ADAM12: variants seen among roughly 807,000 people sequenced by gnomAD.
ADAM12 encodes disintegrin and metalloproteinase domain-containing protein 12.
Under a neutral mutation model 106.4 loss-of-function variants are expected in ADAM12, and 70 were observed. That is an observed-to-expected ratio of 0.66 (90% CI 0.54 to 0.80). The LOEUF (loss-of-function observed/expected upper bound fraction) is 0.80, where lower values mean the gene tolerates loss of function less well. ADAM12 is among the 30% of genes least tolerant of loss of function. The pLI is 0.00. For missense variants in ADAM12, 1,010 were observed against 1,171.9 expected (o/e 0.86, Z 2.02); for synonymous variants, 420 against 433.5 (o/e 0.97, Z 0.39).
At chr10:126,201,027 G>A (rs1957690258) in intron 3 of ADAM12, among the ~76,000 whole-genome samples, 1 of 152,172 alleles carries the variant, frequency 6.6e-6, no homozygotes, top group Non-Finnish European at 1.5e-5. Context: ...GAAAGGTGGG[G>A]TTGTCCAGGC....
intron 5 of ADAM12, among the ~76,000 whole-genome samples, chr10:126,119,886 G>A (rs558540333): frequency 2.6e-4 from 40 of 152,280 alleles, no homozygotes; most frequent in Non-Finnish European, 4.6e-4. Flanking sequence ...GCTAAGGTGG[G>A]GCAGTGAAGT....
At chr10:126,176,123 C>T (rs776582070) in intron 3 of ADAM12, among the ~76,000 whole-genome samples, 16 of 152,318 alleles carry the variant, frequency 1.1e-4, no homozygotes, top group Non-Finnish European at 2.2e-4. Flanking sequence ...GCTAATAAAA[C>T]AAAAGAGATC....
At chr10:126,340,366 T>A (rs543336797) in intron 1 of ADAM12, among the ~76,000 whole-genome samples, 2 of 152,224 alleles carry the variant, frequency 1.3e-5, no homozygotes, top group African/African-American at 2.4e-5. Context: ...CCCATTCTAA[T>A]CTTTTATAAG....
intron 2 of ADAM12, among the ~76,000 whole-genome samples, chr10:126,298,621 TA>T (rs1235183435): frequency 6.6e-6 from 1 of 151,380 alleles, no homozygotes; most frequent in African/African-American, 2.4e-5. Context: ...GAAGAGAAAA[TA>T]AGAATTTTTC....
chr10:126,022,179 C>T (rs1322306341), intron 21 of ADAM12, among the ~76,000 whole-genome samples: 1 of 152,132 alleles, frequency 6.6e-6, no homozygotes, highest in Non-Finnish European at 1.5e-5. Flanking sequence ...TCTAGTTTGC[C>T]TGGGACGTTC....
At chr10:126,117,532 G>T (rs1956005566) in intron 6 of ADAM12, among the ~76,000 whole-genome samples, 1 of 152,192 alleles carries the variant, frequency 6.6e-6, no homozygotes, top group Non-Finnish European at 1.5e-5. Flanking sequence ...CTCTGCATAA[G>T]TGTGTAGGCA....
At chr10:126,130,192 T>A (rs1956279447) in intron 5 of ADAM12, among the ~76,000 whole-genome samples, 1 of 152,180 alleles carries the variant, frequency 6.6e-6, no homozygotes. Context: ...AGTTGCATTT[T>A]TTTTTTTCCT....
rs114194327 is a variant in ADAM12 at position 126,311,269 on chromosome 10, A to G, written c.186+19143T>C. Reference sequence around the variant, plus strand: ...CCATGCATGTTTGCTGAATAAATACAGAAGTATAACTGGGGCTGGAGTGGG... The same window carrying G: ...CCATGCATGTTTGCTGAATAAATACGGAAGTATAACTGGGGCTGGAGTGGG... On this transcript the variant is annotated intron_variant, in intron 2 of 22. Transcript: ENST00000448723. Among the ~76,000 whole-genome samples, 829 of 152,310 alleles carry G rather than the reference A, an allele frequency of 5.4e-3. 12 individuals are homozygous for G. Among genetic ancestry groups the G allele is most frequent in the African/African-American group, 0.017 (722 of 41,550 alleles).
At chr10:126,159,353 A>C (rs1956893981) in intron 3 of ADAM12, among the ~76,000 whole-genome samples, 1 of 151,090 alleles carries the variant, frequency 6.6e-6, no homozygotes, top group Admixed American at 6.6e-5. Context: ...GACCAGCTTA[A>C]ATATTACAGA....
intron 3 of ADAM12, among the ~76,000 whole-genome samples, chr10:126,217,428 C>T (rs183051396): frequency 6.2e-4 from 93 of 150,196 alleles, no homozygotes; most frequent in African/African-American, 1.8e-3. Context: ...AGTGCAATGG[C>T]GCGATCTTGG....
intron 3 of ADAM12, among the ~76,000 whole-genome samples, chr10:126,188,360 A>G (rs149986541): frequency 6.6e-6 from 1 of 152,194 alleles, no homozygotes; most frequent in Admixed American, 6.5e-5. Flanking sequence ...AAAAGCCTTC[A>G]AGACTCAGTG....
chr10:126,132,242 G>C (rs1956319257), intron 5 of ADAM12, among the ~76,000 whole-genome samples: 1 of 152,144 alleles, frequency 6.6e-6, no homozygotes, highest in Non-Finnish European at 1.5e-5. Flanking sequence ...CAAAGTGCTA[G>C]GATTACAGGC....
chr10:126,348,313 T>C (rs760319219), intron 1 of ADAM12, among the ~76,000 whole-genome samples: 13 of 152,122 alleles, frequency 8.5e-5, no homozygotes, highest in Non-Finnish European at 1.6e-4. Context: ...CCTGATTCAG[T>C]TGAGGCGGTC....
At chr10:126,183,973 T>C (rs1957358044) in intron 3 of ADAM12, among the ~76,000 whole-genome samples, 1 of 152,262 alleles carries the variant, frequency 6.6e-6, no homozygotes. Context: ...TAATAATCTT[T>C]TCTTACATTA....
intron 22 of ADAM12, among the ~76,000 whole-genome samples, chr10:126,018,781 T>G (rs997502648): frequency 1.3e-5 from 2 of 152,120 alleles, no homozygotes; most frequent in Non-Finnish European, 2.9e-5. Flanking sequence ...CCAAGCAGGA[T>G]AAGCTGTGAA....
At chr10:126,355,162 G>T (rs1397044671) in intron 1 of ADAM12, among the ~76,000 whole-genome samples, 2 of 151,964 alleles carry the variant, frequency 1.3e-5, no homozygotes, top group Admixed American at 6.6e-5. Context: ...GAACATAGAT[G>T]AACTAAACAT....
intron 2 of ADAM12, among the ~76,000 whole-genome samples, chr10:126,322,890 C>G (rs1245272959): frequency 6.6e-6 from 1 of 152,196 alleles, no homozygotes; most frequent in Non-Finnish European, 1.5e-5. Context: ...TCCAAATCCT[C>G]TCTCCATAAT....
intron 2 of ADAM12, among the ~76,000 whole-genome samples, chr10:126,322,879 C>T (rs1854152920): frequency 6.6e-6 from 1 of 152,172 alleles, no homozygotes; most frequent in African/African-American, 2.4e-5. Flanking sequence ...GCTTTTACCT[C>T]TCCAAATCCT....
At chr10:126,114,323 A>G (rs73378648) in intron 6 of ADAM12, among the ~76,000 whole-genome samples, 3,803 of 152,316 alleles carry the variant, frequency 0.025, 162 homozygotes, top group African/African-American at 0.086. Flanking sequence ...GAATGGCACA[A>G]GTGAGATCTA....
Sources: allele counts gnomAD v4.1 joint callset (sites outside exome capture counted in the v4.1 genomes callset), GRCh38; gene constraint gnomAD v4.1.1; transcripts MANE v1.5; gene names NCBI Gene and HGNC (gene_info 2026-07-23, HGNC 2026-07-21).